Variants in OXR1 observed in about 807,000 individuals in gnomAD.
The protein encoded by OXR1 is oxidation resistance 1.
OXR1 carries 41 observed loss-of-function variants against 104.6 expected under a neutral mutation model. That is an observed-to-expected ratio of 0.39 (90% confidence interval 0.31 to 0.51). The LOEUF (loss-of-function observed/expected upper bound fraction) is 0.51. Ranked by LOEUF, OXR1 falls within the 20% of genes least tolerant of loss-of-function variation. The probability of loss-of-function intolerance (pLI) is 0.77; values close to 1 mark genes in which losing one functional copy is unlikely to be tolerated. For missense variants in OXR1, 955 were observed against 1,031.9 expected, an observed-to-expected ratio of 0.93 and a Z score of 1.02; for synonymous variants, 348 against 348.4, an observed-to-expected ratio of 1.00 and a Z score of 0.01.
chr8:106,419,671 C>T (rs146487516), intron 2 of OXR1, among the ~76,000 whole-genome samples: 417 of 152,228 alleles, frequency 2.7e-3, no homozygotes, highest in African/African-American at 9.5e-3. Context: ...GGGAGACAGG[C>T]TTTTAGTTTC....
intron 9 of OXR1, among the ~76,000 whole-genome samples, chr8:106,709,572 G>T (rs1831493778): frequency 6.6e-6 from 1 of 151,766 alleles, no homozygotes; most frequent in African/African-American, 2.4e-5. Flanking sequence ...CTGATGATGT[G>T]GTGGACCAAT....
intron 3 of OXR1, among the ~76,000 whole-genome samples, chr8:106,619,046 T>C (rs529675531): frequency 5.3e-5 from 8 of 152,302 alleles, no homozygotes; most frequent in African/African-American, 1.4e-4. Flanking sequence ...GAATTCATTA[T>C]TGACTTTAAA....
intron 2 of OXR1, among the ~76,000 whole-genome samples, chr8:106,466,197 T>C (rs879463636): frequency 6.6e-6 from 1 of 151,976 alleles, no homozygotes; most frequent in Admixed American, 6.6e-5. Flanking sequence ...AATCTTACTT[T>C]AGATGATTTC....
chr8:106,587,014 T>G (rs1818682647), intron 3 of OXR1, among the ~76,000 whole-genome samples: 1 of 152,300 alleles, frequency 6.6e-6, no homozygotes, highest in East Asian at 1.9e-4. Flanking sequence ...GGAGTGTTCA[T>G]CCATAGTGTA....
At chr8:106,750,199 C>A (rs900563018) in intron 16 of OXR1, among the ~76,000 whole-genome samples, 1 of 151,136 alleles carries the variant, frequency 6.6e-6, no homozygotes, top group Admixed American at 6.6e-5. Context: ...AAGAAAAACT[C>A]ATAATACCAG....
At chr8:106,497,226 A>G (rs1023844949) in intron 2 of OXR1, among the ~76,000 whole-genome samples, 3 of 152,200 alleles carry the variant, frequency 2.0e-5, no homozygotes, top group Non-Finnish European at 4.4e-5. Context: ...TGCTTGGAAG[A>G]TGATAAACTC....
intron 2 of OXR1, among the ~76,000 whole-genome samples, chr8:106,417,114 A>G (rs539593963): frequency 1.3e-4 from 20 of 152,290 alleles, no homozygotes; most frequent in South Asian, 1.0e-3. Flanking sequence ...TGTTTAACAC[A>G]CATATATTGA....
chr8:106,692,580 C>T (rs531018356), intron 6 of OXR1, 148 bp from the exon 7 acceptor site: 55 of 458,252 alleles, frequency 1.2e-4, no homozygotes, highest in African/African-American at 7.8e-4. Context: ...ATAATTTGTA[C>T]GTAAAAATAT....
intron 3 of OXR1, among the ~76,000 whole-genome samples, chr8:106,660,993 C>T (rs535179703): frequency 2.6e-5 from 4 of 151,556 alleles, no homozygotes; most frequent in African/African-American, 7.3e-5. Flanking sequence ...GGCCACAGAA[C>T]GAGACTCCAT....
At chr8:106,340,567 A>G (rs546715605) in intron 1 of OXR1, among the ~76,000 whole-genome samples, 1 of 152,252 alleles carries the variant, frequency 6.6e-6, no homozygotes, top group South Asian at 2.1e-4. Flanking sequence ...TTTTCTTCAT[A>G]GCATTTATGA....
intron 3 of OXR1, among the ~76,000 whole-genome samples, chr8:106,669,703 G>C (rs1826733044): frequency 6.6e-6 from 1 of 152,096 alleles, no homozygotes; most frequent in African/African-American, 2.4e-5. Context: ...GTAATATTCA[G>C]TTATTATAGG....
At chr8:106,695,990 A>G (rs577011180) in intron 7 of OXR1, among the ~76,000 whole-genome samples, 1 of 118,276 alleles carries the variant, frequency 8.5e-6, no homozygotes, top group South Asian at 2.7e-4. Flanking sequence ...GCACCAAGGA[A>G]AGCCCATAAG....
At chr8:106,309,399 G>A (rs934534154) in intron 1 of OXR1, among the ~76,000 whole-genome samples, 1 of 152,070 alleles carries the variant, frequency 6.6e-6, no homozygotes, top group Non-Finnish European at 1.5e-5. Context: ...ATGTTTGTGT[G>A]TATCTATCAT....
chr8:106,628,021 C>T (rs921371272), intron 3 of OXR1, among the ~76,000 whole-genome samples: 3 of 152,180 alleles, frequency 2.0e-5, no homozygotes, highest in Non-Finnish European at 4.4e-5. Flanking sequence ...ATTATCCACA[C>T]TGCCATCTTA....
chr8:106,645,053 C>T (rs910823019), intron 3 of OXR1, among the ~76,000 whole-genome samples: 3 of 151,934 alleles, frequency 2.0e-5, no homozygotes, highest in South Asian at 2.1e-4. Context: ...TGTTGGAGAT[C>T]GATTAAAGAG....
At chr8:106,402,391 T>G (rs771597272) in intron 2 of OXR1, among the ~76,000 whole-genome samples, 1 of 152,240 alleles carries the variant, frequency 6.6e-6, no homozygotes, top group Non-Finnish European at 1.5e-5. Flanking sequence ...TGATCCTGAC[T>G]TCACAGGTTA....
At chr8:106,405,371 A>G (rs1818195014) in intron 2 of OXR1, among the ~76,000 whole-genome samples, 1 of 151,922 alleles carries the variant, frequency 6.6e-6, no homozygotes, top group African/African-American at 2.4e-5. Context: ...TTCCAGTCCA[A>G]GTCTGAAGAC....
At chr8:106,299,075 C>T (rs1813124744) in intron 1 of OXR1, among the ~76,000 whole-genome samples, 1 of 152,010 alleles carries the variant, frequency 6.6e-6, no homozygotes, top group Non-Finnish European at 1.5e-5. Flanking sequence ...CCCCAAATCT[C>T]AGTGTTTTAG....
intron 1 of OXR1, among the ~76,000 whole-genome samples, chr8:106,301,113 A>G (rs1057311674): frequency 5.3e-5 from 8 of 152,172 alleles, no homozygotes; most frequent in Non-Finnish European, 8.8e-5. Flanking sequence ...GACTTTCAAT[A>G]GTGTTTTGGG....
Sources: gnomAD v4.1 joint callset for allele counts (sites outside exome capture counted in the v4.1 genomes callset) on GRCh38, gnomAD v4.1.1 for gene constraint, MANE v1.5 for transcripts, NCBI Gene and HGNC (gene_info 2026-07-23, HGNC 2026-07-21) for gene names.